Variants in PEAK1 observed in about 807,000 individuals in gnomAD.
PEAK1 encodes inactive tyrosine-protein kinase PEAK1.
PEAK1 carries 54 observed loss-of-function variants against 124.7 expected under a neutral mutation model. That is an observed-to-expected ratio of 0.43 (90% CI 0.35 to 0.54). The LOEUF is 0.54. Ranked by LOEUF, PEAK1 falls within the 20% of genes least tolerant of loss-of-function variation. PEAK1 has a pLI of 0.01. For missense variants in PEAK1, 2,046 were observed against 2,134.5 expected, an observed-to-expected ratio of 0.96 and a Z score of 0.82; for synonymous variants, 719 against 760.0, an observed-to-expected ratio of 0.95 and a Z score of 0.89.
chr15:77,116,327 T>TCC (rs1005226116), intron 9 of PEAK1, among the ~76,000 whole-genome samples: 2 of 151,982 alleles, frequency 1.3e-5, no homozygotes, highest in African/African-American at 4.8e-5. Flanking sequence ...TTCTCTGCTC[T>TCC]CCCTCCTCAG....
intron 5 of PEAK1, among the ~76,000 whole-genome samples, chr15:77,258,409 G>T (rs1159202666): frequency 6.6e-6 from 1 of 152,276 alleles, no homozygotes; most frequent in East Asian, 1.9e-4. Context: ...TCATTGAGCA[G>T]TGGTTTGTAG....
chr15:77,308,349 T>C lies in PEAK1; in HGVS notation c.-602-21845A>G, dbSNP rs146978200. Among the ~76,000 whole-genome samples, 350 of 152,228 alleles carry C rather than the reference T, an allele frequency of 2.3e-3. 1 individual carries two copies. The highest frequency in any genetic ancestry group is 3.4e-3 in the Non-Finnish European group (232 of 67,926). On this transcript the variant is annotated intron_variant, in intron 2 of 9. Coordinates refer to ENST00000682557, the MANE Select transcript of PEAK1 (RefSeq NM_001385026.1). ...GGAAGCATCTATTAGTCCATGCCCATGTAGGCGTTTGAAATATATATGGCA... is the reference window on the plus strand; with the variant it reads ...GGAAGCATCTATTAGTCCATGCCCACGTAGGCGTTTGAAATATATATGGCA...
At chr15:77,340,224 G>A (rs1055405899) in intron 2 of PEAK1, among the ~76,000 whole-genome samples, 2 of 152,188 alleles carry the variant, frequency 1.3e-5, no homozygotes, top group Non-Finnish European at 2.9e-5. Context: ...AAGCAAACAA[G>A]ATGTCCTTCA....
chr15:77,345,993 T>C (rs1489848676), intron 2 of PEAK1: 1 of 985,222 alleles, frequency 1.0e-6, no homozygotes, highest in Non-Finnish European at 1.2e-6. Flanking sequence ...CTGAATAAAT[T>C]AATACCTGGG....
chr15:77,125,360 T>C (rs12903728), intron 9 of PEAK1, among the ~76,000 whole-genome samples: 1 of 152,042 alleles, frequency 6.6e-6, no homozygotes, highest in South Asian at 2.1e-4. Context: ...AAAATTAAAG[T>C]AGAAAATTCA....
upstream of PEAK1, chr15:77,420,600 TCTA>T: frequency 2.9e-6 from 1 of 342,064 alleles, no homozygotes; most frequent in Non-Finnish European, 5.2e-6. Context: ...TTTCAGTTCT[TCTA>T]CTTTCTGCGG....
chr15:77,317,512 T>C (rs1468994951), intron 2 of PEAK1, among the ~76,000 whole-genome samples: 1 of 152,190 alleles, frequency 6.6e-6, no homozygotes, highest in African/African-American at 2.4e-5. Flanking sequence ...TCTCATTTCA[T>C]CCTGACAATT....
rs766575004 is a variant in PEAK1, at chr15:77,114,670, C to T, written c.4727G>A (p.Arg1576His). The part of the protein sequence containing the change: ...VDPEILRDQS[R>H]LAPEIITATQ... ...AGCTGTTATGATCTCTGGGGCAAGG[C>T]GAGACTGGTCCCGGAGGATCTCGGG... Residue 1576 changes from arginine (R) to histidine (H), a missense_variant, in exon 10 of 10, where the codon CGC becomes CAC. Physicochemically the swap from Arg to His is conservative, Grantham distance 29 (BLOSUM62 0). Coordinates refer to ENST00000682557, the MANE Select transcript of PEAK1 (RefSeq NM_001385026.1). 8 of 1,613,428 alleles carry T rather than the reference C, an allele frequency of 5.0e-6. No homozygotes were observed. The highest frequency in any genetic ancestry group is 4.0e-5 in the African/African-American group (3 of 74,710).
chr15:77,331,125 AT>A, intron 2 of PEAK1: 1 of 567,772 alleles, frequency 1.8e-6, no homozygotes, highest in Non-Finnish European at 2.2e-6. Flanking sequence ...TATGTTTAAA[AT>A]TTTTACTTAT....
chr15:77,349,637 C>G, intron 2 of PEAK1: 2 of 984,822 alleles, frequency 2.0e-6, no homozygotes, highest in African/African-American at 1.7e-5. Flanking sequence ...ATTAATGACT[C>G]TAATATTCAC....
At chr15:77,168,237 GCACACA>G (rs113937076) in intron 7 of PEAK1, among the ~76,000 whole-genome samples, 11 of 147,282 alleles carry the variant, frequency 7.5e-5, no homozygotes, top group African/African-American at 1.5e-4. Context: ...ATGTGCGCGC[GCACACA>G]CACACACACA....
intron 5 of PEAK1, chr15:77,278,586 CTAAAA>C (rs1368209403): frequency 9.9e-6 from 5 of 502,928 alleles, no homozygotes; most frequent in Admixed American, 6.2e-5. Flanking sequence ...GAGACCAAGC[CTAAAA>C]AGGTCCCTGC....
intron 1 of PEAK1, among the ~76,000 whole-genome samples, chr15:77,376,685 A>C (rs1455804509): frequency 6.6e-6 from 1 of 152,236 alleles, no homozygotes; most frequent in Non-Finnish European, 1.5e-5. Flanking sequence ...AGAGTAGTTT[A>C]TGATATACAG....
intron 2 of PEAK1, among the ~76,000 whole-genome samples, chr15:77,320,222 G>C (rs772092666): frequency 1.3e-5 from 2 of 151,998 alleles, no homozygotes; most frequent in African/African-American, 2.4e-5. Flanking sequence ...ACTCCCTAGT[G>C]TCACTCCTAC....
At position 77,133,659 on chromosome 15, in the gene PEAK1, G is replaced by C; in HGVS notation, c.3423C>G (p.Asp1141Glu). The change falls in exon 9 of 10, where the codon GAC (aspartate) becomes GAG (glutamate). Residue 1141 changes from aspartate to glutamate, a missense_variant. Asp to Glu is a conservative substitution (Grantham distance 45). Coordinates refer to ENST00000682557, the MANE Select transcript of PEAK1 (RefSeq NM_001385026.1). This position sits in a 1 kb window ranked among gnomAD's most constrained non-coding sequence, Gnocchi z 4.2. ...GTTGGGAAGCATTGGGTGCTTCTTG[G>C]TCTGTTTTCCCTCCAAAGGCGATGG... is the stretch of plus-strand genomic sequence containing the variant. ...DDAIAFGGKT[D>E]QEAPNASQPT... 2 of 1,614,134 alleles carry C rather than the reference G, an allele frequency of 1.2e-6. No homozygotes were observed.
intron 2 of PEAK1, among the ~76,000 whole-genome samples, chr15:77,290,684 G>C (rs1450559601): frequency 1.3e-5 from 2 of 152,010 alleles, no homozygotes; most frequent in Admixed American, 6.5e-5. Flanking sequence ...CTGGTAGCTG[G>C]GACTACGGGT....
downstream of PEAK1, chr15:77,105,355 T>TGCGCGCGCGC (rs1272599235): frequency 3.8e-5 from 3 of 78,656 alleles, no homozygotes; most frequent in African/African-American, 1.3e-4. Context: ...TGTGTGTGTG[T>TGCGCGCGCGC]GTGCGCGCGT....
chr15:77,267,822 A>C (rs946360614), intron 5 of PEAK1, among the ~76,000 whole-genome samples: 3 of 152,108 alleles, frequency 2.0e-5, no homozygotes, highest in Admixed American at 6.6e-5. Context: ...ACCCCCAAAA[A>C]ATCACACTAA....
Position 77,181,507 on chromosome 15 carries a change from C to G in PEAK1, c.420G>C (p.Lys140Asn), listed in dbSNP as rs1010996867. ...PKPYGNNDSAKKMSDNNNGLT... is the reference protein window; with the variant it reads ...PKPYGNNDSANKMSDNNNGLT... ...GTCCATTATTGTTATCTGACATCTT[C>G]TTTGCACTATCATTATTGCCATAAG... The change falls in exon 7 of 10, where the codon AAG (lysine) becomes AAC (asparagine). Residue 140 changes from lysine to asparagine, a missense_variant. By Grantham distance (94) the Lys-to-Asn change is moderately conservative. Transcript: ENST00000682557. 3 of 1,613,978 alleles carry G rather than the reference C, an allele frequency of 1.9e-6. No individual in the cohort carries two copies. The African/African-American group carries it at 4.0e-5, about 22-fold the overall frequency.
Sources: allele counts gnomAD v4.1 joint callset (sites outside exome capture counted in the v4.1 genomes callset), GRCh38; gene constraint gnomAD v4.1.1; non-coding constraint Gnocchi (gnomAD v3.1); transcripts MANE v1.5; gene names NCBI Gene and HGNC (gene_info 2026-07-23, HGNC 2026-07-21).